Variants in CCDC172 observed in about 807,000 individuals in gnomAD.
CCDC172 encodes coiled-coil domain-containing protein 172.
In CCDC172, 30 loss-of-function variants were observed where a neutral mutation model predicts 38.0. The observed-to-expected ratio is 0.79, with a 90% CI of 0.59 to 1.07. The LOEUF is 1.07. Ranked by LOEUF, CCDC172 falls within the 50% of genes least tolerant of loss-of-function variation. CCDC172 has a pLI of 0.00. For synonymous variants in CCDC172, 78 were observed against 88.3 expected, an observed-to-expected ratio of 0.88 and a Z score of 0.66; for missense variants, 297 against 290.1, an observed-to-expected ratio of 1.02 and a Z score of -0.17.
At chr10:116,372,558 G>A (rs1425671202) in intron 7 of CCDC172, among the ~76,000 whole-genome samples, 5 of 151,868 alleles carry the variant, frequency 3.3e-5, no homozygotes, top group Non-Finnish European at 7.4e-5. Flanking sequence ...TATCCTCTTC[G>A]GTCTGGCTTT....
intron 5 of CCDC172, 146 bp downstream of exon 5, chr10:116,342,347 G>A: frequency 1.0e-5 from 6 of 579,276 alleles, no homozygotes; most frequent in East Asian, 7.5e-5. Flanking sequence ...TAATGAAGAT[G>A]TATCTTCTAT....
intron 5 of CCDC172, among the ~76,000 whole-genome samples, chr10:116,349,702 T>C (rs559732485): frequency 6.6e-6 from 1 of 152,294 alleles, no homozygotes; most frequent in South Asian, 2.1e-4. Flanking sequence ...GTGCACTTTT[T>C]GTGTATCAGG....
rs1389261873 is a variant in CCDC172 at position 116,357,841 on chromosome 10, G to A, written c.556G>A (p.Glu186Lys). The A allele has an allele frequency of 2.1e-6, 3 of 1,445,842 alleles. No homozygotes were observed. The highest frequency in any genetic ancestry group is 2.8e-6 in the Non-Finnish European group (3 of 1,057,484). 89.6% of individuals were successfully genotyped at this position (1,445,842 alleles called of 1,614,324 possible). ...CTATTTTTTGATTTGTTTAGTTTTTGAAGATGAAGAGAATGAATCCATTTG... is the reference window on the plus strand; with the variant it reads ...CTATTTTTTGATTTGTTTAGTTTTTAAAGATGAAGAGAATGAATCCATTTG... ...FTLQRKLKVFEDEENESICTT... is the reference protein window; with the variant it reads ...FTLQRKLKVFKDEENESICTT... The change falls in exon 7 of 9, where the codon GAA (glutamate) becomes AAA (lysine). Residue 186 changes from glutamate (E) to lysine (K), a missense_variant. Transcript: ENST00000333254.
At chr10:116,339,148 A>G (rs1225903112) in intron 3 of CCDC172, among the ~76,000 whole-genome samples, 2 of 151,894 alleles carry the variant, frequency 1.3e-5, no homozygotes, top group Non-Finnish European at 2.9e-5. Context: ...TCACCATCAC[A>G]CCTCAAAGTC....
At chr10:116,332,632 T>C (rs1044036766) in intron 3 of CCDC172, among the ~76,000 whole-genome samples, 1 of 152,178 alleles carries the variant, frequency 6.6e-6, no homozygotes, top group Non-Finnish European at 1.5e-5. Context: ...GAAGTCAACC[T>C]GGTTTTTAAA....
rs763901835 is a variant in CCDC172 at position 116,379,394 on chromosome 10, C to A, written c.*36C>A. On this transcript the variant is annotated 3_prime_UTR_variant, in exon 9 of 9. Transcript: ENST00000333254. Reference sequence around the variant, plus strand: ...ATTGATCAGCCATCTGAGATTTGATCAGAATATCTGAGAATCAAATCTTTG... The same window carrying A: ...ATTGATCAGCCATCTGAGATTTGATAAGAATATCTGAGAATCAAATCTTTG... 1 of 1,466,640 alleles carries A rather than the reference C, an allele frequency of 6.8e-7. No individual in the cohort carries two copies. Among genetic ancestry groups the A allele is most frequent in the Non-Finnish European group, 9.3e-7 (1 of 1,071,946 alleles). 90.9% of individuals were successfully genotyped at this position (1,466,640 alleles called of 1,614,324 possible).
intron 5 of CCDC172, among the ~76,000 whole-genome samples, chr10:116,353,228 A>G (rs1322580968): frequency 2.6e-5 from 4 of 152,054 alleles, no homozygotes; most frequent in Non-Finnish European, 5.9e-5. Context: ...TCCACCTCAT[A>G]CCATACACAA....
intron 7 of CCDC172, among the ~76,000 whole-genome samples, chr10:116,366,427 T>C (rs1845123225): frequency 6.6e-6 from 1 of 152,222 alleles, no homozygotes; most frequent in Non-Finnish European, 1.5e-5. Context: ...GCATTTATCA[T>C]CTAACCTATA....
At chr10:116,324,888 A>ACAACC in intron 1 of CCDC172, 59 bp from the exon 2 acceptor site, 1 of 770,728 alleles carries the variant, frequency 1.3e-6, no homozygotes, top group Non-Finnish European at 2.2e-6. Context: ...AGAGGGTTGG[A>ACAACC]GACAGGTCTA....
intron 7 of CCDC172, 109 bp downstream of exon 7, chr10:116,358,047 G>A: frequency 3.1e-6 from 2 of 641,428 alleles, no homozygotes; most frequent in Non-Finnish European, 5.5e-6. Flanking sequence ...TCCAGATGAG[G>A]ACATTATTTT....
At chr10:116,335,245 C>T (rs1041938667) in intron 3 of CCDC172, among the ~76,000 whole-genome samples, 1 of 151,810 alleles carries the variant, frequency 6.6e-6, no homozygotes, top group East Asian at 1.9e-4. Flanking sequence ...CTGTTGTCAC[C>T]TGAGTAAATG....
At chr10:116,378,349 C>T (rs1193703535) in intron 7 of CCDC172, 74 bp from the exon 8 acceptor site, 3 of 1,399,788 alleles carry the variant, frequency 2.1e-6, no homozygotes, top group South Asian at 1.5e-5. Flanking sequence ...AAGCTACAAA[C>T]TTGTCCCTCT....
intron 5 of CCDC172, among the ~76,000 whole-genome samples, chr10:116,346,739 A>T (rs2134932130): frequency 6.6e-6 from 1 of 151,696 alleles, no homozygotes; most frequent in Non-Finnish European, 1.5e-5. Context: ...GATTTATTTT[A>T]AAAGATTTGT....
Position 116,325,353 on chromosome 10 carries a change from G to T in CCDC172, c.130G>T (p.Glu44Ter), listed in dbSNP as rs766254117. 39 of 1,613,808 alleles carry T rather than the reference G, an allele frequency of 2.4e-5. No homozygotes were observed. Among genetic ancestry groups the T allele is most frequent in the Non-Finnish European group, 3.2e-5 (38 of 1,179,910 alleles). ...TGAAAAAATTAAGAAAGCAACGGAG[G>T]AGCTGAATGAAGAGAAAATCAAGCT... ...CREKIKKATE[E>*]LNEEKIKLES... is the part of the protein sequence containing the mutation. Residue 44 changes from glutamate (E) to a stop codon, truncating the protein, a stop_gained, in exon 3 of 9, where the codon GAG becomes TAG. Coordinates refer to ENST00000333254, the MANE Select transcript of CCDC172 (RefSeq NM_198515.3). LOFTEE classifies it high-confidence loss of function.
rs759574921 is a variant in CCDC172, at chr10:116,340,832, T to A, written c.264T>A (p.Asn88Lys). 5 of 1,564,664 alleles carry A rather than the reference T, an allele frequency of 3.2e-6. No homozygotes were observed. In the South Asian group the frequency reaches 5.6e-5, roughly 18 times the overall value. Residue 88 changes from asparagine (N) to lysine (K), a missense_variant, in exon 4 of 9, where the codon AAT (asparagine) becomes AAA (lysine). By Grantham distance (94) the Asn-to-Lys change is moderately conservative. Transcript: ENST00000333254. ...ACAGTGAAATTACAAACCATAGGAATATGCTTCTTCAAACCTTTGTAAGTT... is the reference window on the plus strand; with the variant it reads ...ACAGTGAAATTACAAACCATAGGAAAATGCTTCTTCAAACCTTTGTAAGTT... ...KQYSEITNHR[N>K]MLLQTFEAIK...
intron 3 of CCDC172, among the ~76,000 whole-genome samples, chr10:116,340,000 A>C (rs1565713866): frequency 6.6e-6 from 1 of 151,976 alleles, no homozygotes; most frequent in Non-Finnish European, 1.5e-5. Context: ...CTAGTACTGA[A>C]CATAGTAGAA....
At chr10:116,341,856 A>G (rs1844798831) in intron 4 of CCDC172, among the ~76,000 whole-genome samples, 180 bp from the exon 5 acceptor site, 2 of 152,052 alleles carry the variant, frequency 1.3e-5, no homozygotes, top group African/African-American at 4.8e-5. Context: ...TTGTTACTAT[A>G]TAATAGCTTC....
At chr10:116,348,647 A>C (rs1384842093) in intron 5 of CCDC172, among the ~76,000 whole-genome samples, 1 of 152,150 alleles carries the variant, frequency 6.6e-6, no homozygotes, top group Non-Finnish European at 1.5e-5. Context: ...CTATTGTATT[A>C]AGCCTCTTAG....
chr10:116,324,829 C>T (rs1441214190), intron 1 of CCDC172, 118 bp from the exon 2 acceptor site: 3 of 610,720 alleles, frequency 4.9e-6, no homozygotes, highest in Non-Finnish European at 8.7e-6. Flanking sequence ...CCTCAGACCC[C>T]TCAGACACCG....
Sources: gnomAD v4.1 joint callset for allele counts (sites outside exome capture counted in the v4.1 genomes callset) on GRCh38, gnomAD v4.1.1 for gene constraint, MANE v1.5 for transcripts, NCBI Gene and HGNC (gene_info 2026-07-23, HGNC 2026-07-21) for gene names.